LHFPL3: variants seen among roughly 807,000 people sequenced by gnomAD.
LHFPL3 encodes the protein LHFPL tetraspan subfamily member 3 protein.
A neutral mutation model predicts 19.3 loss-of-function variants in LHFPL3; 5 were observed. The observed-to-expected ratio is 0.26, with a 90% CI of 0.14 to 0.54. The LOEUF (loss-of-function observed/expected upper bound fraction) is 0.54. LHFPL3 is among the 20% of genes least tolerant of loss of function. The probability of loss-of-function intolerance (pLI) is 0.94; values close to 1 mark genes in which losing one functional copy is unlikely to be tolerated. For missense variants in LHFPL3, 249 were observed against 307.4 expected, an observed-to-expected ratio of 0.81 and a Z score of 1.42; for synonymous variants, 133 against 126.2, an observed-to-expected ratio of 1.05 and a Z score of -0.36.
intron 1 of LHFPL3, among the ~76,000 whole-genome samples, chr7:104,378,924 T>C (rs1202587042): frequency 6.6e-6 from 1 of 152,230 alleles, no homozygotes; most frequent in African/African-American, 2.4e-5. Context: ...GATTTGCCTT[T>C]TCATTTTTTA....
intron 1 of LHFPL3, among the ~76,000 whole-genome samples, chr7:104,342,166 CTT>C (rs1399500461): frequency 6.6e-6 from 1 of 151,670 alleles, no homozygotes; most frequent in East Asian, 1.9e-4. Flanking sequence ...ATGGGGATGA[CTT>C]GAGCAGTTCA....
chr7:104,496,088 T>C (rs1381840121), intron 1 of LHFPL3, among the ~76,000 whole-genome samples: 1 of 152,150 alleles, frequency 6.6e-6, no homozygotes, highest in Non-Finnish European at 1.5e-5. Context: ...CATTTAGCAT[T>C]AGTTATATCT....
chr7:104,878,361 C>T (rs975462676), intron 2 of LHFPL3, among the ~76,000 whole-genome samples: 5 of 151,946 alleles, frequency 3.3e-5, no homozygotes, highest in South Asian at 2.1e-4. Context: ...TTTGTGTCTC[C>T]GTGTCACATT....
chr7:104,812,947 A>G (rs186339583), intron 2 of LHFPL3, among the ~76,000 whole-genome samples: 215 of 151,872 alleles, frequency 1.4e-3, no homozygotes, highest in African/African-American at 4.9e-3. Flanking sequence ...CCCCTTCTCT[A>G]CTAAAAATAC....
At chr7:104,405,652 A>T (rs1791399023) in intron 1 of LHFPL3, among the ~76,000 whole-genome samples, 1 of 152,208 alleles carries the variant, frequency 6.6e-6, no homozygotes, top group South Asian at 2.1e-4. Flanking sequence ...TCAAATTCAG[A>T]CTGTTTAAAA....
intron 1 of LHFPL3, among the ~76,000 whole-genome samples, chr7:104,613,106 A>G (rs910117687): frequency 6.6e-6 from 1 of 152,226 alleles, no homozygotes; most frequent in Non-Finnish European, 1.5e-5. Flanking sequence ...TGTTTTAAAT[A>G]TTTTCAAAAG....
At chr7:104,740,071 T>C (rs1397661764) in intron 2 of LHFPL3, among the ~76,000 whole-genome samples, 2 of 152,206 alleles carry the variant, frequency 1.3e-5, no homozygotes, top group Non-Finnish European at 2.9e-5. Flanking sequence ...TGAGATCCGA[T>C]GGTTTTATAA....
chr7:104,391,882 C>T (rs1400161509), intron 1 of LHFPL3, among the ~76,000 whole-genome samples: 2 of 152,124 alleles, frequency 1.3e-5, no homozygotes, highest in Non-Finnish European at 2.9e-5. Context: ...TTGTAATTCT[C>T]CTTGAAGAGG....
intron 1 of LHFPL3, among the ~76,000 whole-genome samples, chr7:104,419,848 C>T (rs933962613): frequency 6.6e-6 from 1 of 152,172 alleles, no homozygotes; most frequent in Non-Finnish European, 1.5e-5. Context: ...TGGCAGTGTT[C>T]TCTATGTTAA....
intron 1 of LHFPL3, among the ~76,000 whole-genome samples, chr7:104,416,851 C>T (rs1488482394): frequency 1.3e-5 from 2 of 152,162 alleles, no homozygotes; most frequent in African/African-American, 4.8e-5. Flanking sequence ...TGAGTGGATG[C>T]ATATGGGCCT....
At chr7:104,810,496 C>T (rs2116499370) in intron 2 of LHFPL3, among the ~76,000 whole-genome samples, 1 of 152,166 alleles carries the variant, frequency 6.6e-6, no homozygotes, top group South Asian at 2.1e-4. Flanking sequence ...GGTCATTCTC[C>T]CGCTGTACTT....
At chr7:104,622,512 C>T (rs1192672285) in intron 1 of LHFPL3, among the ~76,000 whole-genome samples, 2 of 152,154 alleles carry the variant, frequency 1.3e-5, no homozygotes, top group Non-Finnish European at 2.9e-5. Flanking sequence ...TTAATATATT[C>T]ATAGATTGTA....
intron 2 of LHFPL3, among the ~76,000 whole-genome samples, chr7:104,743,575 TA>T (rs1793976706): frequency 6.6e-6 from 1 of 152,240 alleles, no homozygotes; most frequent in Non-Finnish European, 1.5e-5. Flanking sequence ...AAGCAATTTA[TA>T]ATCAATAATA....
At chr7:104,843,704 C>T (rs1301198251) in intron 2 of LHFPL3, among the ~76,000 whole-genome samples, 8 of 151,976 alleles carry the variant, frequency 5.3e-5, no homozygotes, top group African/African-American at 1.7e-4. Context: ...AAAACTATCT[C>T]GGGCCAGTGA....
intron 1 of LHFPL3, among the ~76,000 whole-genome samples, chr7:104,582,483 C>G (rs1207996918): frequency 1.3e-5 from 2 of 151,940 alleles, no homozygotes; most frequent in Non-Finnish European, 2.9e-5. Context: ...CTGCACAGAC[C>G]AGGATCTCCA....
At chr7:104,447,632 A>C (rs967449221) in intron 1 of LHFPL3, among the ~76,000 whole-genome samples, 3 of 152,028 alleles carry the variant, frequency 2.0e-5, no homozygotes, top group Non-Finnish European at 4.4e-5. Flanking sequence ...TTTAGCACCA[A>C]CGACTGCCAT....
chr7:104,338,651 G>A (rs550661262), intron 1 of LHFPL3, among the ~76,000 whole-genome samples: 2 of 152,116 alleles, frequency 1.3e-5, no homozygotes, highest in African/African-American at 4.8e-5. Context: ...CTTAACCTAA[G>A]CAATTTGAGA....
chr7:104,581,839 C>A (rs1300495490), intron 1 of LHFPL3, among the ~76,000 whole-genome samples: 2 of 151,932 alleles, frequency 1.3e-5, no homozygotes, highest in East Asian at 3.9e-4. Context: ...TTTCATTGAT[C>A]AGTTTGTCTA....
Position 104,906,370 on chromosome 7 carries a change from C to T in LHFPL3, c.*155C>T, listed in dbSNP as rs1256975757. The T allele has an allele frequency of 1.3e-5, 11 of 856,780 alleles. No individual in the cohort carries two copies. The highest frequency in any genetic ancestry group is 4.5e-4 in the Middle Eastern group (2 of 4,446). The allele number at this position is 856,780 out of a possible 1,614,324, so 53.1% of individuals were successfully genotyped here. On this transcript the variant is annotated 3_prime_UTR_variant, in exon 3 of 3. Transcript: ENST00000424859. Reference sequence around the variant, plus strand: ...CAAGAATGGAACATTCACTTGTCAACGCACTTTCTAAATCTAGATCAGCAG... The same window carrying T: ...CAAGAATGGAACATTCACTTGTCAATGCACTTTCTAAATCTAGATCAGCAG...
Sources: gnomAD v4.1 joint callset for allele counts (sites outside exome capture counted in the v4.1 genomes callset) on GRCh38, gnomAD v4.1.1 for gene constraint, MANE v1.5 for transcripts, NCBI Gene and HGNC (gene_info 2026-07-23, HGNC 2026-07-21) for gene names.